The following PCDHA8 variants were observed in gnomAD, a reference collection of about 807,000 sequenced individuals.
PCDHA8 encodes protocadherin alpha 8, also known as protocadherin alpha-8.
Under a neutral mutation model 61.8 loss-of-function variants are expected in PCDHA8, and 53 were observed. The observed-to-expected ratio is 0.86, with a 90% CI of 0.69 to 1.08. The LOEUF (loss-of-function observed/expected upper bound fraction) is 1.08, where lower values mean the gene tolerates loss of function less well. PCDHA8 is among the 50% of genes least tolerant of loss of function. PCDHA8 has a pLI of 0.00. For missense variants in PCDHA8, 1,293 were observed against 1,245.0 expected, an observed-to-expected ratio of 1.04 and a Z score of -0.58; for synonymous variants, 618 against 556.6, an observed-to-expected ratio of 1.11 and a Z score of -1.55.
chr5:140,869,586 CAT>C, intron 1 of PCDHA8: 6 of 1,614,150 alleles, frequency 3.7e-6, no homozygotes, highest in Non-Finnish European at 5.1e-6. Flanking sequence ...CTGATGCTGA[CAT>C]TGAAGAGAAT....
At chr5:140,967,321 C>T (rs985147302) in intron 1 of PCDHA8, 12 of 1,609,430 alleles carry the variant, frequency 7.5e-6, no homozygotes, top group Non-Finnish European at 1.0e-5. Context: ...TACAGACCTA[C>T]GAGCTCAGCC....
chr5:140,890,822 A>T (rs1044008204), intron 1 of PCDHA8, among the ~76,000 whole-genome samples: 8 of 152,186 alleles, frequency 5.3e-5, no homozygotes, highest in Non-Finnish European at 1.0e-4. Flanking sequence ...TTTTAAATGT[A>T]CTTACATATT....
Position 140,861,540 on chromosome 5 carries a change from C to T in PCDHA8, c.2394+17825C>T, listed in dbSNP as rs78647999. On this transcript the variant is annotated intron_variant, in intron 1 of 3. Coordinates refer to ENST00000531613, the MANE Select transcript of PCDHA8 (RefSeq NM_018911.3). ...TGGGAGGATCTCGGAGTGCAGCATC[C>T]ACCTGGAAGTGATCGTGGACAAGCT... is the stretch of plus-strand genomic sequence containing the variant. 502 of 425,826 alleles carry T rather than the reference C, an allele frequency of 1.2e-3. 2 individuals are homozygous for T. The highest frequency in any genetic ancestry group is 9.5e-3 in the African/African-American group (465 of 48,884). 26.4% of individuals were successfully genotyped at this position (425,826 alleles called of 1,614,324 possible).
rs782182425 is a variant in PCDHA8 at position 140,876,300 on chromosome 5, A to C, written c.2394+32585A>C. On this transcript the variant is annotated intron_variant, in intron 1 of 3. Coordinates refer to ENST00000531613, the MANE Select transcript of PCDHA8 (RefSeq NM_018911.3). ...ATCCAGACGAAGGACTTAATGGAGA[A>C]ATTTCCTATGGGATCAAAATGATTT... 2.1e-5 allele frequency: 34 copies of C among 1,613,966 alleles called. No individual in the cohort carries two copies. Among genetic ancestry groups the C allele is most frequent in the Non-Finnish European group, 2.9e-5 (34 of 1,179,910 alleles).
At chr5:140,877,536 T>A (rs1402880820) in intron 1 of PCDHA8, 1 of 1,613,730 alleles carries the variant, frequency 6.2e-7, no homozygotes, top group Non-Finnish European at 8.5e-7. Flanking sequence ...GCGCTGTGGA[T>A]CCCGAAGCGG....
intron 3 of PCDHA8, among the ~76,000 whole-genome samples, chr5:141,005,884 T>A (rs1554260408): frequency 6.6e-6 from 1 of 151,744 alleles, no homozygotes; most frequent in Non-Finnish European, 1.5e-5. Context: ...GAGTTTGAGG[T>A]TACATCAAGC....
At chr5:141,006,553 G>A (rs1554260809) in intron 3 of PCDHA8, among the ~76,000 whole-genome samples, 1 of 152,168 alleles carries the variant, frequency 6.6e-6, no homozygotes, top group African/African-American at 2.4e-5. Context: ...AAGAAATAAA[G>A]ATGACTCTGG....
intron 1 of PCDHA8, chr5:140,869,945 T>TC: frequency 6.2e-7 from 1 of 1,612,376 alleles, no homozygotes. Context: ...ACATACTCCT[T>TC]AATGTCAATT....
intron 1 of PCDHA8, among the ~76,000 whole-genome samples, chr5:140,953,003 A>G (rs2094831963): frequency 6.6e-6 from 1 of 152,190 alleles, no homozygotes; most frequent in Non-Finnish European, 1.5e-5. Context: ...CTCTCTCACT[A>G]TTATGAGAAC....
At chr5:140,996,123 G>A (rs1554255007) in intron 3 of PCDHA8, among the ~76,000 whole-genome samples, 2 of 152,238 alleles carry the variant, frequency 1.3e-5, no homozygotes, top group African/African-American at 2.4e-5. Flanking sequence ...GCAGGGTGGT[G>A]TAGAGGGTTC....
intron 1 of PCDHA8, chr5:140,852,708 G>A (rs1175249471): frequency 1.0e-6 from 1 of 979,130 alleles, no homozygotes; most frequent in Non-Finnish European, 1.2e-6. Flanking sequence ...AAGTATCTTT[G>A]TCTTTGCACG....
Position 140,842,220 on chromosome 5 carries a change from G to A in PCDHA8, c.899G>A (p.Gly300Glu). The change falls in exon 1 of 4, where the codon GGA (glycine) becomes GAA (glutamate). Residue 300 changes from glycine (G) to glutamate (E), a missense_variant. Coordinates refer to ENST00000531613, the MANE Select transcript of PCDHA8 (RefSeq NM_018911.3). The part of the protein sequence containing the change: ...IDHFSIDRNT[G>E]EIVIRGNLDF... ...CACTTTAGCATAGATCGAAATACGG[G>A]AGAAATAGTGATTCGGGGTAATTTG... The A allele has an allele frequency of 1.2e-6, 2 of 1,613,146 alleles. No homozygotes were observed. Among genetic ancestry groups the A allele is most frequent in the Non-Finnish European group, 1.7e-6 (2 of 1,179,290 alleles).
chr5:140,993,462 T>TCTCACACACACA (rs1235362335), intron 3 of PCDHA8, among the ~76,000 whole-genome samples: 1 of 140,938 alleles, frequency 7.1e-6, no homozygotes, highest in African/African-American at 2.6e-5. Context: ...TCTTTCTTTC[T>TCTCACACACACA]CACACACACA....
At chr5:140,911,275 G>A (rs1048648150) in intron 1 of PCDHA8, among the ~76,000 whole-genome samples, 1 of 152,164 alleles carries the variant, frequency 6.6e-6, no homozygotes, top group Non-Finnish European at 1.5e-5. Context: ...AGTGTCCCCA[G>A]CTTCATCAGG....
intron 1 of PCDHA8, among the ~76,000 whole-genome samples, chr5:140,946,813 G>T (rs2094033515): frequency 6.6e-6 from 1 of 151,408 alleles, no homozygotes; most frequent in South Asian, 2.1e-4. Flanking sequence ...GTATAACAGT[G>T]ATTACCAGAG....
chr5:140,999,249 G>A (rs1162368060), intron 3 of PCDHA8, among the ~76,000 whole-genome samples: 1 of 152,066 alleles, frequency 6.6e-6, no homozygotes, highest in Non-Finnish European at 1.5e-5. Context: ...AGTGGGAGTT[G>A]GATTAGTAAA....
chr5:140,946,631 T>TACAC (rs374022482), intron 1 of PCDHA8, among the ~76,000 whole-genome samples: 1 of 131,846 alleles, frequency 7.6e-6, no homozygotes, highest in Non-Finnish European at 1.5e-5. Flanking sequence ...TATATATATA[T>TACAC]ACAATGGAAT....
chr5:141,010,232 A>C lies in PCDHA8; in HGVS notation c.*295A>C. The C allele has an allele frequency of 1.3e-6, 2 of 1,551,952 alleles. No individual in the cohort carries two copies. The highest frequency in any genetic ancestry group is 1.7e-6 in the Non-Finnish European group (2 of 1,147,050). The stretch of plus-strand genomic sequence containing the variant: ...AAAGGAGAGGCTTCCCAGCCCCGCC[A>C]GTGAGAGGTTGGACTCTCTGCCCTG... On this transcript the variant is annotated 3_prime_UTR_variant, in exon 4 of 4. Coordinates refer to ENST00000531613, the MANE Select transcript of PCDHA8 (RefSeq NM_018911.3).
At chr5:140,992,517 G>C (rs78765218) in intron 3 of PCDHA8, among the ~76,000 whole-genome samples, 388 of 152,300 alleles carry the variant, frequency 2.5e-3, no homozygotes, top group African/African-American at 8.8e-3. Flanking sequence ...GGGCATGGTA[G>C]CTAATGGAAA....
Sources: gnomAD v4.1 joint callset for allele counts (sites outside exome capture counted in the v4.1 genomes callset) on GRCh38, gnomAD v4.1.1 for gene constraint, MANE v1.5 for transcripts, NCBI Gene and HGNC (gene_info 2026-07-23, HGNC 2026-07-21) for gene names.